The following HS3ST4 variants were observed in gnomAD, a reference collection of about 807,000 sequenced individuals.
The protein encoded by HS3ST4 is heparan sulfate glucosamine 3-O-sulfotransferase 4.
In HS3ST4, 17 loss-of-function variants were observed where a neutral mutation model predicts 29.2. That is an observed-to-expected ratio of 0.58 (90% CI 0.40 to 0.87). The LOEUF is 0.87. HS3ST4 is among the 40% of genes least tolerant of loss of function. The probability of loss-of-function intolerance (pLI) is 0.00; values close to 1 mark genes in which losing one functional copy is unlikely to be tolerated. For synonymous variants in HS3ST4, 314 were observed against 285.7 expected (o/e 1.10, Z -1.00); for missense variants, 627 against 634.5 (o/e 0.99, Z 0.13).
At chr16:25,705,825 A>C (rs1346689271) in intron 1 of HS3ST4, among the ~76,000 whole-genome samples, 9 of 152,250 alleles carry the variant, frequency 5.9e-5, no homozygotes, top group Non-Finnish European at 8.8e-5. Flanking sequence ...CTAAAATGGG[A>C]ATAACAACCT....
At chr16:26,108,222 A>T (rs1388185264) in intron 1 of HS3ST4, among the ~76,000 whole-genome samples, 1 of 152,006 alleles carries the variant, frequency 6.6e-6, no homozygotes, top group African/African-American at 2.4e-5. Context: ...CTTTTTTCAT[A>T]TATTTCTTGG....
chr16:25,907,162 C>T (rs969667739), intron 1 of HS3ST4, among the ~76,000 whole-genome samples: 2 of 152,100 alleles, frequency 1.3e-5, no homozygotes, highest in Non-Finnish European at 2.9e-5. Flanking sequence ...CACCACTGCA[C>T]TCCAGCCTGG....
chr16:25,777,521 C>A (rs1966848709), intron 1 of HS3ST4, among the ~76,000 whole-genome samples: 1 of 152,070 alleles, frequency 6.6e-6, no homozygotes, highest in Non-Finnish European at 1.5e-5. Flanking sequence ...GTAATCCCAG[C>A]ACTTTGGGAG....
At chr16:25,868,856 A>G (rs1173189033) in intron 1 of HS3ST4, among the ~76,000 whole-genome samples, 1 of 152,122 alleles carries the variant, frequency 6.6e-6, no homozygotes, top group Non-Finnish European at 1.5e-5. Flanking sequence ...ACCAGATTAA[A>G]AGATTTCTAG....
At chr16:25,775,487 C>T (rs1350049614) in intron 1 of HS3ST4, among the ~76,000 whole-genome samples, 1 of 152,162 alleles carries the variant, frequency 6.6e-6, no homozygotes, top group Non-Finnish European at 1.5e-5. Context: ...AAAGTGAACT[C>T]CAAACTCCTT....
chr16:26,044,433 G>A (rs1366581061), intron 1 of HS3ST4, among the ~76,000 whole-genome samples: 1 of 152,172 alleles, frequency 6.6e-6, no homozygotes, highest in African/African-American at 2.4e-5. Flanking sequence ...AAAAATCCCT[G>A]AACTATGAAG....
chr16:25,953,822 C>A (rs1226014559), intron 1 of HS3ST4, among the ~76,000 whole-genome samples: 1 of 152,216 alleles, frequency 6.6e-6, no homozygotes, highest in African/African-American at 2.4e-5. Context: ...TGCTGGGGAA[C>A]TCTGGTGAAC....
At chr16:25,865,036 G>T (rs1001991047) in intron 1 of HS3ST4, among the ~76,000 whole-genome samples, 2 of 151,282 alleles carry the variant, frequency 1.3e-5, no homozygotes, top group African/African-American at 2.4e-5. Context: ...CATTTCCTTT[G>T]CCCATTCTTC....
At chr16:25,996,155 G>A (rs1969157426) in intron 1 of HS3ST4, among the ~76,000 whole-genome samples, 1 of 152,154 alleles carries the variant, frequency 6.6e-6, no homozygotes, top group Non-Finnish European at 1.5e-5. Flanking sequence ...CCTTCTAATT[G>A]TTGGTTGTAG....
chr16:26,126,969 C>T (rs902018442), intron 1 of HS3ST4, among the ~76,000 whole-genome samples: 4 of 151,888 alleles, frequency 2.6e-5, no homozygotes, highest in East Asian at 3.9e-4. Context: ...AAAAATTAGC[C>T]GGACCATGGG....
At chr16:26,121,599 C>T (rs908356716) in intron 1 of HS3ST4, among the ~76,000 whole-genome samples, 11 of 152,162 alleles carry the variant, frequency 7.2e-5, no homozygotes, top group Non-Finnish European at 1.0e-4. Context: ...GGCAGCATCC[C>T]TGAGGCAGTG....
chr16:25,930,942 T>C (rs1329442798), intron 1 of HS3ST4, among the ~76,000 whole-genome samples: 1 of 152,034 alleles, frequency 6.6e-6, no homozygotes, highest in Admixed American at 6.5e-5. Flanking sequence ...CTCAGCTAAT[T>C]TTTGTGTTTT....
chr16:25,803,202 G>T (rs1966957006), intron 1 of HS3ST4, among the ~76,000 whole-genome samples: 1 of 152,034 alleles, frequency 6.6e-6, no homozygotes, highest in Non-Finnish European at 1.5e-5. Flanking sequence ...GTTGTTGTGT[G>T]ATCCACAAAT....
chr16:25,755,325 G>C (rs1049902913), intron 1 of HS3ST4, among the ~76,000 whole-genome samples: 1 of 152,176 alleles, frequency 6.6e-6, no homozygotes, highest in Non-Finnish European at 1.5e-5. Context: ...GAGACTAAAG[G>C]AGCCTGAGAG....
intron 1 of HS3ST4, among the ~76,000 whole-genome samples, chr16:25,947,066 A>AGTGT (rs939923886): frequency 6.6e-6 from 1 of 151,934 alleles, no homozygotes; most frequent in Non-Finnish European, 1.5e-5. Flanking sequence ...GTATTAAGCA[A>AGTGT]GTGTGTGTGT....
chr16:26,083,296 G>T (rs1341143204), intron 1 of HS3ST4, among the ~76,000 whole-genome samples: 1 of 152,154 alleles, frequency 6.6e-6, no homozygotes, highest in African/African-American at 2.4e-5. Context: ...GTGGATATTT[G>T]AAAAAACTTT....
intron 1 of HS3ST4, among the ~76,000 whole-genome samples, chr16:26,116,065 G>A (rs1899197531): frequency 6.6e-6 from 1 of 152,194 alleles, no homozygotes; most frequent in Non-Finnish European, 1.5e-5. Flanking sequence ...CAATCAAGGT[G>A]TTGGCCAGGG....
At chr16:26,077,059 A>G (rs926572698) in intron 1 of HS3ST4, among the ~76,000 whole-genome samples, 8 of 152,034 alleles carry the variant, frequency 5.3e-5, no homozygotes, top group African/African-American at 1.2e-4. Context: ...CTTCTGCTCT[A>G]CTCACCTGGG....
At chr16:25,749,677 G>C (rs1219317774) in intron 1 of HS3ST4, among the ~76,000 whole-genome samples, 3 of 152,144 alleles carry the variant, frequency 2.0e-5, no homozygotes, top group Non-Finnish European at 4.4e-5. Flanking sequence ...ATTTGTAAAA[G>C]GGATAATAGC....
Sources: gnomAD v4.1 joint callset for allele counts (sites outside exome capture counted in the v4.1 genomes callset) on GRCh38, gnomAD v4.1.1 for gene constraint, MANE v1.5 for transcripts, NCBI Gene and HGNC (gene_info 2026-07-23, HGNC 2026-07-21) for gene names.